The following STXBP4 variants were observed in gnomAD, a reference collection of about 807,000 sequenced individuals.
STXBP4 encodes the protein syntaxin binding protein 4.
Under a neutral mutation model 76.1 loss-of-function variants are expected in STXBP4, and 55 were observed. The ratio of observed to expected loss-of-function variants is 0.72; its 90% CI spans 0.58 to 0.91. The LOEUF is 0.91. Ranked by LOEUF, STXBP4 falls within the 40% of genes least tolerant of loss-of-function variation. The pLI is 0.00. For synonymous variants in STXBP4, 201 were observed against 220.2 expected (o/e 0.91, Z 0.77); for missense variants, 618 against 636.9 (o/e 0.97, Z 0.32).
chr17:54,993,061 A>G (rs2077744035), intron 4 of STXBP4, among the ~76,000 whole-genome samples: 4 of 152,126 alleles, frequency 2.6e-5, no homozygotes, highest in Admixed American at 2.6e-4. Flanking sequence ...GTTTGTTACG[A>G]TGAAAACTAT....
chr17:55,008,774 G>C (rs2078053055), intron 8 of STXBP4, among the ~76,000 whole-genome samples: 1 of 152,092 alleles, frequency 6.6e-6, no homozygotes, highest in South Asian at 2.1e-4. Flanking sequence ...TGGAATGAGG[G>C]TCTTTTAATC....
At chr17:54,972,288 T>C (rs1314551772) in intron 1 of STXBP4, among the ~76,000 whole-genome samples, 1 of 152,204 alleles carries the variant, frequency 6.6e-6, no homozygotes, top group Non-Finnish European at 1.5e-5. Flanking sequence ...CTCATCATAT[T>C]TTCTCCTGCC....
chr17:55,093,181 G>C (rs1381849132), intron 16 of STXBP4, among the ~76,000 whole-genome samples: 1 of 151,988 alleles, frequency 6.6e-6, no homozygotes, highest in African/African-American at 2.4e-5. Flanking sequence ...TCTTAGTAGA[G>C]ATGGGTTTTG....
the STXBP4 span, among the ~76,000 whole-genome samples, chr17:55,187,210 T>C: frequency 1.3e-5 from 2 of 152,278 alleles, no homozygotes; most frequent in East Asian, 1.9e-4. Context: ...TGCACCCTCA[T>C]AGGCAAGATG....
chr17:55,206,896 G>T, the STXBP4 span, among the ~76,000 whole-genome samples: 2 of 148,790 alleles, frequency 1.3e-5, no homozygotes, highest in Admixed American at 1.3e-4. Flanking sequence ...CAAAGGAAAA[G>T]GACAAAATGT....
intron 16 of STXBP4, among the ~76,000 whole-genome samples, chr17:55,109,141 T>G (rs1322087561): frequency 1.3e-5 from 2 of 152,212 alleles, no homozygotes; most frequent in Non-Finnish European, 2.9e-5. Flanking sequence ...CCTTCATTTT[T>G]TAAAAGTGAA....
At chr17:55,058,746 G>A (rs1029795040) in intron 12 of STXBP4, among the ~76,000 whole-genome samples, 2 of 152,118 alleles carry the variant, frequency 1.3e-5, no homozygotes, top group South Asian at 2.1e-4. Flanking sequence ...TATGAAATAC[G>A]TTTCCCAGTA....
chr17:55,138,270 T>G (rs1299072433), intron 16 of STXBP4, among the ~76,000 whole-genome samples: 1 of 152,066 alleles, frequency 6.6e-6, no homozygotes, highest in Non-Finnish European at 1.5e-5. Flanking sequence ...GCTGAACACA[T>G]AATAAAGGAT....
the STXBP4 span, among the ~76,000 whole-genome samples, chr17:55,208,770 C>A: frequency 7.2e-5 from 11 of 152,128 alleles, no homozygotes; most frequent in East Asian, 1.9e-3. Flanking sequence ...TTTGTGTAAA[C>A]AAGTTTCAGT....
At chr17:55,132,108 A>C (rs1418605761) in intron 16 of STXBP4, among the ~76,000 whole-genome samples, 1 of 152,224 alleles carries the variant, frequency 6.6e-6, no homozygotes, top group East Asian at 1.9e-4. Flanking sequence ...GTAACCCATA[A>C]GGAAAAGAAG....
chr17:55,130,059 C>G (rs2079958028), intron 16 of STXBP4, among the ~76,000 whole-genome samples: 1 of 152,126 alleles, frequency 6.6e-6, no homozygotes, highest in Non-Finnish European at 1.5e-5. Context: ...GGAATGCCAG[C>G]TACTTCTAGG....
chr17:55,134,473 T>C (rs2080006633), intron 16 of STXBP4, among the ~76,000 whole-genome samples: 1 of 152,152 alleles, frequency 6.6e-6, no homozygotes, highest in Admixed American at 6.6e-5. Flanking sequence ...ATTTGATTTG[T>C]GACATGAAGA....
rs566286640 is a variant in STXBP4 at position 55,028,169 on chromosome 17, A to T, written c.667-2999A>T. ...CTGTATTAATATTTTATAATTTTTT[A>T]AAAAATCCAGATAATTCTTACAGCT... On this transcript the variant is annotated intron_variant, in intron 8 of 17. Transcript: ENST00000376352. Among the ~76,000 whole-genome samples, 316 of 152,184 alleles carry T rather than the reference A, an allele frequency of 2.1e-3. 2 individuals are homozygous for T. Among genetic ancestry groups the T allele is most frequent in the Middle Eastern group, 0.01 (3 of 294 alleles).
intron 13 of STXBP4, among the ~76,000 whole-genome samples, chr17:55,075,721 G>A (rs2079173905): frequency 6.6e-6 from 1 of 152,120 alleles, no homozygotes; most frequent in South Asian, 2.1e-4. Flanking sequence ...TGTAATAAGT[G>A]TTACATCATT....
In STXBP4 at chr17:55,160,053, A is replaced by G. The variant is rs971782773; in HGVS notation, c.*142A>G. On this transcript the variant is annotated 3_prime_UTR_variant, in exon 18 of 18. Coordinates refer to ENST00000376352, the MANE Select transcript of STXBP4 (RefSeq NM_178509.6). ...GAAATGGAGACTCTGGACTTTGGGT[A>G]TTTTTGTAAAACTTTTGATATTTCT... 1.9e-6 allele frequency: 1 copy of G among 532,010 alleles called. No homozygotes were observed. Among genetic ancestry groups the G allele is most frequent in the African/African-American group, 1.9e-5 (1 of 51,636 alleles). The allele number at this position is 532,010 out of a possible 1,614,324, so 33.0% of individuals were successfully genotyped here. A position where few individuals can be genotyped will look rare whatever the true frequency, so the allele number is the denominator to read the frequency against.
intron 17 of STXBP4, among the ~76,000 whole-genome samples, chr17:55,143,873 ATAG>A (rs2080120783): frequency 6.6e-6 from 1 of 152,190 alleles, no homozygotes; most frequent in Admixed American, 6.5e-5. Flanking sequence ...CCAAAGGGCC[ATAG>A]TAGATCTTAT....
At position 54,986,188 on chromosome 17, in the gene STXBP4, G is replaced by GC; in HGVS notation, c.-31dup. The GC allele has an allele frequency of 6.4e-7, 1 of 1,562,850 alleles. No individual in the cohort carries two copies. Among genetic ancestry groups the GC allele is most frequent in the South Asian group, 1.2e-5 (1 of 86,088 alleles). ...CTTCATCAAGATCTTCATTTATACA[G>GC]CTGTTAAATCCAAGGCTACTTTGGT... is the stretch of plus-strand genomic sequence containing the variant. On this transcript the variant is annotated 5_prime_UTR_variant, in exon 3 of 18. Transcript: ENST00000376352.
At chr17:55,008,712 GT>G (rs1393597539) in intron 8 of STXBP4, among the ~76,000 whole-genome samples, 1 of 152,120 alleles carries the variant, frequency 6.6e-6, no homozygotes, top group Admixed American at 6.6e-5. Context: ...ACATCTCTGT[GT>G]CTTCAGAGTT....
chr17:54,983,815 G>A (rs1567871228), intron 1 of STXBP4, among the ~76,000 whole-genome samples: 1 of 152,172 alleles, frequency 6.6e-6, no homozygotes, highest in Non-Finnish European at 1.5e-5. Flanking sequence ...TGCAAACTTA[G>A]TTTTAGAATT....
Sources: allele counts gnomAD v4.1 joint callset (sites outside exome capture counted in the v4.1 genomes callset), GRCh38; gene constraint gnomAD v4.1.1; transcripts MANE v1.5; gene names NCBI Gene and HGNC (gene_info 2026-07-23, HGNC 2026-07-21).